MKLN1: variants seen among roughly 807,000 people sequenced by gnomAD.
The protein encoded by MKLN1 is muskelin 1, also known as muskelin.
A neutral mutation model predicts 99.0 loss-of-function variants in MKLN1; 18 were observed. That is an observed-to-expected ratio of 0.18 (90% CI 0.13 to 0.27). The LOEUF is 0.27. Ranked by LOEUF, MKLN1 falls within the 10% of genes least tolerant of loss-of-function variation. The pLI, the probability that MKLN1 is intolerant of heterozygous loss-of-function variation, is 1.00. For synonymous variants in MKLN1, 288 were observed against 293.2 expected (o/e 0.98, Z 0.18); for missense variants, 621 against 875.9 (o/e 0.71, Z 3.67).
Position 131,399,314 on chromosome 7 carries a change from C to A in MKLN1, c.584C>A (p.Ser195Ter). Reference protein sequence around the residue: ...RQHNYTEAFESLQKKTKIALE... With the variant: ...RQHNYTEAFE ...CACAACTATACAGAAGCTTTTGAGT[C>A]ACTGCAAAAGAAAACCAAGATTGCA... The change falls in exon 6 of 18, where the codon TCA becomes TAA. Residue 195 changes from serine (S) to a stop codon, truncating the protein, a stop_gained. Transcript: ENST00000352689. LOFTEE classifies it high-confidence loss of function. 6.2e-7 allele frequency: 1 copy of A among 1,613,942 alleles called. No homozygotes were observed. Among genetic ancestry groups the A allele is most frequent in the South Asian group, 1.1e-5 (1 of 91,068 alleles).
intron 3 of MKLN1, among the ~76,000 whole-genome samples, chr7:131,239,006 C>T (rs1348594080): frequency 6.6e-6 from 1 of 152,112 alleles, no homozygotes; most frequent in Non-Finnish European, 1.5e-5. Context: ...AGCTGTTTTC[C>T]TAGCAAAAAG....
chr7:131,463,855 T>C (rs986889823), intron 13 of MKLN1, among the ~76,000 whole-genome samples: 1 of 152,236 alleles, frequency 6.6e-6, no homozygotes, highest in Admixed American at 6.5e-5. Flanking sequence ...TAAGTGAATA[T>C]TGTGCAGAAC....
chr7:131,255,197 C>A (rs1295688543), intron 3 of MKLN1, among the ~76,000 whole-genome samples: 3 of 152,170 alleles, frequency 2.0e-5, no homozygotes, highest in African/African-American at 7.2e-5. Flanking sequence ...CTGCCTCAGC[C>A]TCCCAAAGTG....
intron 2 of MKLN1, among the ~76,000 whole-genome samples, chr7:131,199,735 C>A (rs1584828459): frequency 1.3e-5 from 2 of 152,310 alleles, no homozygotes; most frequent in East Asian, 3.9e-4. Context: ...ACTCTATCAC[C>A]CAGGCTGGAG....
chr7:131,227,946 C>T (rs549461203), intron 3 of MKLN1, among the ~76,000 whole-genome samples: 39 of 152,334 alleles, frequency 2.6e-4, no homozygotes, highest in African/African-American at 7.2e-4. Context: ...CCTTCCAGCG[C>T]GGGATGATTT....
intron 2 of MKLN1, among the ~76,000 whole-genome samples, chr7:131,192,511 A>AATAT (rs71527990): frequency 0.23 from 31,488 of 137,598 alleles, 3,795 homozygotes; most frequent in South Asian, 0.26. Context: ...TACACATATA[A>AATAT]ATATAAATAT....
At chr7:131,478,973 G>A in intron 17 of MKLN1, 1 of 395,412 alleles carries the variant, frequency 2.5e-6, no homozygotes, top group Non-Finnish European at 4.6e-6. Context: ...TGGAATGCAG[G>A]CTGTTTTACT....
intron 1 of MKLN1, among the ~76,000 whole-genome samples, chr7:131,356,869 C>A (rs1359859104): frequency 6.6e-6 from 1 of 151,998 alleles, no homozygotes; most frequent in Non-Finnish European, 1.5e-5. Context: ...CAGGAGAATT[C>A]GAATGAGGGG....
chr7:131,439,628 G>A (rs1169607352), intron 10 of MKLN1, among the ~76,000 whole-genome samples: 1 of 152,056 alleles, frequency 6.6e-6, no homozygotes, highest in African/African-American at 2.4e-5. Context: ...AGCTTGTGGT[G>A]TTCATGACAA....
chr7:131,288,250 C>T (rs1348601170), intron 3 of MKLN1, among the ~76,000 whole-genome samples: 6 of 152,156 alleles, frequency 3.9e-5, no homozygotes, highest in African/African-American at 1.4e-4. Context: ...GATATTTCTT[C>T]TCCTTTCCTC....
intron 3 of MKLN1, among the ~76,000 whole-genome samples, chr7:131,292,380 G>C (rs148048592): frequency 2.6e-5 from 4 of 152,304 alleles, no homozygotes; most frequent in African/African-American, 9.6e-5. Flanking sequence ...GCCATTATGT[G>C]AAAGGTTAAT....
At chr7:131,278,148 A>G (rs987264827) in intron 3 of MKLN1, among the ~76,000 whole-genome samples, 1 of 151,384 alleles carries the variant, frequency 6.6e-6, no homozygotes, top group Non-Finnish European at 1.5e-5. Flanking sequence ...ACTCAAGCCA[A>G]TCTCCCACCT....
intron 1 of MKLN1, among the ~76,000 whole-genome samples, chr7:131,350,493 A>G (rs11505974): frequency 0.14 from 21,934 of 152,242 alleles, 1,885 homozygotes; most frequent in African/African-American, 0.22. Flanking sequence ...CTCTAAGGCT[A>G]CAGTCAAGAT....
chr7:131,116,598 T>C (rs1795281589), intron 1 of MKLN1, among the ~76,000 whole-genome samples: 1 of 152,064 alleles, frequency 6.6e-6, no homozygotes, highest in African/African-American at 2.4e-5. Flanking sequence ...ACTAAATCAT[T>C]ACTTTGAAAA....
At chr7:131,134,626 T>C (rs2116238683) in intron 1 of MKLN1, among the ~76,000 whole-genome samples, 1 of 152,260 alleles carries the variant, frequency 6.6e-6, no homozygotes, top group South Asian at 2.1e-4. Context: ...TCGGCCCGTC[T>C]CTCCTACTCC....
intron 1 of MKLN1, among the ~76,000 whole-genome samples, chr7:131,333,574 T>C (rs529874061): frequency 6.6e-6 from 1 of 152,268 alleles, no homozygotes; most frequent in African/African-American, 2.4e-5. Context: ...TTCGCTCTTA[T>C]TGCCCAGGCT....
chr7:131,301,557 C>G (rs1347416769), intron 3 of MKLN1, among the ~76,000 whole-genome samples: 2 of 152,164 alleles, frequency 1.3e-5, no homozygotes, highest in African/African-American at 2.4e-5. Context: ...GTCAATTGTC[C>G]TTTTCAGACT....
chr7:131,222,689 AAG>A (rs2116455609), intron 3 of MKLN1, among the ~76,000 whole-genome samples: 1 of 152,162 alleles, frequency 6.6e-6, no homozygotes, highest in African/African-American at 2.4e-5. Context: ...ATAAGGGCAC[AAG>A]GAAGCCATTT....
At chr7:131,414,608 G>C in intron 7 of MKLN1, 37 bp from the exon 8 acceptor site, 2 of 1,436,852 alleles carry the variant, frequency 1.4e-6, no homozygotes, top group Non-Finnish European at 1.9e-6. Flanking sequence ...GCTGTTCTTT[G>C]TTATTCCTTT....
Sources: gnomAD v4.1 joint callset for allele counts (sites outside exome capture counted in the v4.1 genomes callset) on GRCh38, gnomAD v4.1.1 for gene constraint, MANE v1.5 for transcripts, NCBI Gene and HGNC (gene_info 2026-07-23, HGNC 2026-07-21) for gene names.